Variants in SOS1 observed in about 807,000 individuals in gnomAD.
SOS1 encodes the protein son of sevenless homolog 1.
SOS1 carries 25 observed loss-of-function variants against 157.6 expected under a neutral mutation model. The ratio of observed to expected loss-of-function variants is 0.16; its 90% confidence interval spans 0.12 to 0.22. The LOEUF is 0.22. Ranked by LOEUF, SOS1 falls within the 10% of genes least tolerant of loss-of-function variation. SOS1 has a pLI of 1.00. For synonymous variants in SOS1, 528 were observed against 534.0 expected (o/e 0.99, Z 0.16); for missense variants, 1,237 against 1,599.1 (o/e 0.77, Z 3.86).
intron 2 of SOS1, among the ~76,000 whole-genome samples, chr2:39,063,688 G>A (rs1295404523): frequency 6.6e-6 from 1 of 152,144 alleles, no homozygotes; most frequent in Non-Finnish European, 1.5e-5. Flanking sequence ...TACTTTTGAA[G>A]CACCTATTTT....
chr2:39,118,306 A>G (rs1017512543), intron 1 of SOS1, among the ~76,000 whole-genome samples: 1 of 152,240 alleles, frequency 6.6e-6, no homozygotes, highest in Admixed American at 6.5e-5. Flanking sequence ...ATTCAATAAC[A>G]AATCAAAGGA....
Position 39,098,814 on chromosome 2 carries a change from G to A in SOS1, c.87+21522C>T, listed in dbSNP as rs182117751. On this transcript the variant is annotated intron_variant, in intron 1 of 22. Coordinates refer to ENST00000402219, the MANE Select transcript of SOS1 (RefSeq NM_005633.4). ...TGAGGCAGGAGAATTGCCTGAACCC[G>A]GAAGGTGGAGGTTGCAGTGAGCCAA... Among the ~76,000 whole-genome samples the A allele has an allele frequency of 7.2e-3, 1,103 of 152,202 alleles. 11 individuals carry two copies. The highest frequency in any genetic ancestry group is 0.025 in the African/African-American group (1,058 of 41,524).
intron 1 of SOS1, among the ~76,000 whole-genome samples, chr2:39,100,451 A>G (rs2148204053): frequency 6.6e-6 from 1 of 152,354 alleles, no homozygotes; most frequent in East Asian, 1.9e-4. Context: ...ATACACACAG[A>G]TACACACAAT....
At chr2:39,014,595 T>G (rs1488587364) in intron 11 of SOS1, among the ~76,000 whole-genome samples, 170 bp downstream of exon 11, 1 of 152,084 alleles carries the variant, frequency 6.6e-6, no homozygotes, top group African/African-American at 2.4e-5. Flanking sequence ...ATTGAAATAA[T>G]AAAAGCTAAC....
At chr2:39,006,680 T>C (rs1669292089) in intron 16 of SOS1, 151 bp from the exon 17 acceptor site, 1 of 666,692 alleles carries the variant, frequency 1.5e-6, no homozygotes, top group East Asian at 2.5e-5. Flanking sequence ...AAATAAATTA[T>C]CTTCATAGAC....
chr2:39,014,005 AC>A lies in SOS1; in HGVS notation c.1941-17del. The A allele has an allele frequency of 1.9e-6, 3 of 1,584,376 alleles. No homozygotes were observed. The highest frequency in any genetic ancestry group is 2.6e-6 in the Non-Finnish European group (3 of 1,155,914). The stretch of plus-strand genomic sequence containing the variant: ...AATTTCAAACCTAACATAAAATAGA[AC>A]AAATTAATGAAAAGACTAATTATAT... On this transcript the variant is annotated splice_polypyrimidine_tract_variant and intron_variant, in intron 11 of 22. Transcript: ENST00000402219.
At chr2:39,083,684 CA>C (rs1296094035) in intron 1 of SOS1, among the ~76,000 whole-genome samples, 1 of 152,068 alleles carries the variant, frequency 6.6e-6, no homozygotes, top group East Asian at 1.9e-4. Context: ...CAACCACTAT[CA>C]AAATTAAAAT....
rs1352756240 is a variant in SOS1, at chr2:39,023,150, C to T, written c.1278G>A (p.Gln426=). Residue 426 remains glutamine (Q), a synonymous_variant, in exon 10 of 23, where the codon CAG becomes CAA. Coordinates refer to ENST00000402219, the MANE Select transcript of SOS1 (RefSeq NM_005633.4). ...TTCCCTCCCAACCATCAATATTCTTCTGAATCTCGTTCATCTTCTTGATTG... is the reference window on the plus strand; with the variant it reads ...TTCCCTCCCAACCATCAATATTCTTTTGAATCTCGTTCATCTTCTTGATTG... ...QLAIKKMNEI[Q]KNIDGWEGKD... is the part of the protein sequence containing the mutation. The T allele has an allele frequency of 6.2e-7, 1 of 1,613,238 alleles. No homozygotes were observed. Among genetic ancestry groups the T allele is most frequent in the Non-Finnish European group, 8.5e-7 (1 of 1,179,492 alleles).
intron 3 of SOS1, among the ~76,000 whole-genome samples, chr2:39,057,468 G>A (rs777838265): frequency 1.2e-4 from 18 of 151,946 alleles, no homozygotes; most frequent in Non-Finnish European, 2.4e-4. Flanking sequence ...TTGTGGGACT[G>A]GTCTGTTCAT....
At chr2:39,115,282 C>A (rs761418975) in intron 1 of SOS1, among the ~76,000 whole-genome samples, 1 of 151,998 alleles carries the variant, frequency 6.6e-6, no homozygotes, top group Non-Finnish European at 1.5e-5. Flanking sequence ...TAGTTTGCAC[C>A]TTCTAGAATG....
intron 1 of SOS1, among the ~76,000 whole-genome samples, chr2:39,084,610 T>C (rs558472921): frequency 5.9e-5 from 9 of 152,298 alleles, no homozygotes; most frequent in South Asian, 4.1e-4. Context: ...TCTATGTGTA[T>C]ATAAAATAAA....
intron 1 of SOS1, among the ~76,000 whole-genome samples, chr2:39,115,058 C>A (rs564942489): frequency 2.5e-4 from 38 of 152,284 alleles, no homozygotes; most frequent in African/African-American, 2.6e-4. Context: ...TTATGCCAGC[C>A]CTTTTTCAGT....
intron 20 of SOS1, among the ~76,000 whole-genome samples, chr2:38,989,686 G>T (rs535944529): frequency 6.6e-6 from 1 of 152,102 alleles, no homozygotes; most frequent in East Asian, 1.9e-4. Flanking sequence ...TGTGAAACAA[G>T]TAATAAGTTT....
intron 21 of SOS1, among the ~76,000 whole-genome samples, chr2:38,988,300 G>C (rs1668612582): frequency 6.6e-6 from 1 of 152,228 alleles, no homozygotes; most frequent in South Asian, 2.1e-4. Context: ...GAATAAGTTG[G>C]TGGACTGGCA....
At chr2:39,116,453 C>G (rs1034227873) in intron 1 of SOS1, among the ~76,000 whole-genome samples, 2 of 152,222 alleles carry the variant, frequency 1.3e-5, no homozygotes, top group African/African-American at 4.8e-5. Flanking sequence ...TATCTCTTGA[C>G]TGGACTATTA....
chr2:39,007,307 A>G (rs1669312215), intron 15 of SOS1, 114 bp from the exon 16 acceptor site: 1 of 716,730 alleles, frequency 1.4e-6, no homozygotes, highest in Non-Finnish European at 2.5e-6. Flanking sequence ...CGATAGTATA[A>G]CTACTATAGA....
chr2:39,121,614 TC>T (rs1558524391), upstream of SOS1, among the ~76,000 whole-genome samples: 4 of 152,350 alleles, frequency 2.6e-5, no homozygotes, highest in Non-Finnish European at 4.4e-5. Flanking sequence ...GTAAGCACTT[TC>T]CTCCAGTGGA....
chr2:39,015,432 A>G (rs1399276368), intron 10 of SOS1, among the ~76,000 whole-genome samples: 2 of 152,072 alleles, frequency 1.3e-5, no homozygotes, highest in African/African-American at 4.8e-5. Context: ...AAACTATTAA[A>G]TGTGATAGAA....
At chr2:39,122,447 T>TATACACACACACAC (rs1279881533), upstream of SOS1, among the ~76,000 whole-genome samples, 1 of 142,098 alleles carries the variant, frequency 7.0e-6, no homozygotes, top group African/African-American at 2.6e-5. Context: ...AAAAAAAATA[T>TATACACACACACAC]ACACACACAC....
Sources: gnomAD v4.1 joint callset for allele counts (sites outside exome capture counted in the v4.1 genomes callset) on GRCh38, gnomAD v4.1.1 for gene constraint, MANE v1.5 for transcripts, NCBI Gene and HGNC (gene_info 2026-07-23, HGNC 2026-07-21) for gene names.